GALNT13: variants seen among roughly 807,000 people sequenced by gnomAD.
The protein encoded by GALNT13 is UDP-GalNAc:polypeptide N-acetylgalactosaminyltransferase 13.
Under a neutral mutation model 64.2 loss-of-function variants are expected in GALNT13, and 28 were observed. The ratio of observed to expected loss-of-function variants is 0.44; its 90% CI spans 0.32 to 0.60. GALNT13 has a LOEUF of 0.60. Among genes scored for constraint, GALNT13 ranks in the 20% least tolerant of loss-of-function variants. GALNT13 has a pLI of 0.05. For synonymous variants in GALNT13, 214 were observed against 224.6 expected (o/e 0.95, Z 0.42); for missense variants, 577 against 669.8 (o/e 0.86, Z 1.53).
chr2:153,152,845 T>C, the GALNT13 span, among the ~76,000 whole-genome samples: 8,048 of 152,280 alleles, frequency 0.053, 245 homozygotes, highest in East Asian at 0.1. Flanking sequence ...TCTTTGCTAT[T>C]GTGAATAGAG....
At chr2:154,447,097 C>T (rs1701627709) in intron 12 of GALNT13, among the ~76,000 whole-genome samples, 1 of 151,560 alleles carries the variant, frequency 6.6e-6, no homozygotes, top group Non-Finnish European at 1.5e-5. Flanking sequence ...ACAACAGGTT[C>T]TGCGTCATCA....
At chr2:153,386,605 A>G in the GALNT13 span, among the ~76,000 whole-genome samples, 1 of 152,054 alleles carries the variant, frequency 6.6e-6, no homozygotes, top group Non-Finnish European at 1.5e-5. Flanking sequence ...GGGAGAAGCA[A>G]GAAGGGGTAT....
chr2:154,154,433 A>T (rs1386907142), intron 4 of GALNT13, among the ~76,000 whole-genome samples: 1 of 152,188 alleles, frequency 6.6e-6, no homozygotes, highest in Non-Finnish European at 1.5e-5. Context: ...TTATTTAGAC[A>T]TGTGATAATA....
At chr2:153,200,360 T>C in the GALNT13 span, among the ~76,000 whole-genome samples, 2 of 152,286 alleles carry the variant, frequency 1.3e-5, no homozygotes, top group Admixed American at 1.3e-4. Context: ...AAGTTGGTGG[T>C]CAGGAAGTTG....
At chr2:153,724,776 GA>G in the GALNT13 span, among the ~76,000 whole-genome samples, 1 of 136,838 alleles carries the variant, frequency 7.3e-6, no homozygotes, top group Non-Finnish European at 1.5e-5. Context: ...ACACCAGTTA[GA>G]ATGGCAATCA....
chr2:153,551,160 T>C, the GALNT13 span, among the ~76,000 whole-genome samples: 2 of 152,152 alleles, frequency 1.3e-5, no homozygotes, highest in African/African-American at 2.4e-5. Context: ...ACCTGCCTTG[T>C]TTAGTCATTG....
intron 3 of GALNT13, among the ~76,000 whole-genome samples, chr2:154,024,989 C>T (rs923977739): frequency 6.6e-6 from 1 of 152,174 alleles, no homozygotes; most frequent in Non-Finnish European, 1.5e-5. Context: ...GTAACAGCAG[C>T]GGTGGCTGCA....
the GALNT13 span, among the ~76,000 whole-genome samples, chr2:153,776,349 T>C: frequency 6.6e-6 from 1 of 152,200 alleles, no homozygotes; most frequent in Admixed American, 6.5e-5. Flanking sequence ...AAGTCTGGTG[T>C]TCTTATTCTA....
chr2:153,644,228 T>C, the GALNT13 span, among the ~76,000 whole-genome samples: 1 of 152,130 alleles, frequency 6.6e-6, no homozygotes, highest in Non-Finnish European at 1.5e-5. Context: ...TTACATTTTA[T>C]ACATAAGTAA....
chr2:154,204,851 G>A (rs1687354786), intron 4 of GALNT13, among the ~76,000 whole-genome samples: 1 of 152,226 alleles, frequency 6.6e-6, no homozygotes, highest in Admixed American at 6.5e-5. Flanking sequence ...CACTTCAAGT[G>A]TCAGTTCTCC....
chr2:153,603,663 G>C, the GALNT13 span, among the ~76,000 whole-genome samples: 1 of 151,956 alleles, frequency 6.6e-6, no homozygotes, highest in African/African-American at 2.4e-5. Context: ...TTAGCACAGA[G>C]AGGAATGTGT....
At chr2:153,801,671 G>T in the GALNT13 span, among the ~76,000 whole-genome samples, 1 of 152,096 alleles carries the variant, frequency 6.6e-6, no homozygotes, top group Non-Finnish European at 1.5e-5. Flanking sequence ...TTCAAATATT[G>T]TGAGAATAAA....
chr2:153,709,340 T>C, the GALNT13 span, among the ~76,000 whole-genome samples: 1 of 151,920 alleles, frequency 6.6e-6, no homozygotes, highest in Non-Finnish European at 1.5e-5. Context: ...AAGACATGAA[T>C]AGACTTTTCT....
intron 3 of GALNT13, among the ~76,000 whole-genome samples, chr2:154,131,324 T>G (rs1364390782): frequency 6.6e-6 from 1 of 152,178 alleles, no homozygotes; most frequent in African/African-American, 2.4e-5. Context: ...GCAAACATTT[T>G]TATAGTAATA....
At chr2:153,594,429 T>G in the GALNT13 span, among the ~76,000 whole-genome samples, 1 of 152,190 alleles carries the variant, frequency 6.6e-6, no homozygotes, top group Non-Finnish European at 1.5e-5. Flanking sequence ...TACTATCTTC[T>G]GAGTTTCTTC....
At chr2:153,129,455 G>A in the GALNT13 span, among the ~76,000 whole-genome samples, 2 of 152,054 alleles carry the variant, frequency 1.3e-5, no homozygotes, top group Admixed American at 6.6e-5. Flanking sequence ...TCAGATTGGA[G>A]GTAAGGTAGA....
chr2:153,844,111 G>A, the GALNT13 span, among the ~76,000 whole-genome samples: 1 of 152,122 alleles, frequency 6.6e-6, no homozygotes, highest in Admixed American at 6.5e-5. Context: ...CTCCATTGGG[G>A]ACTCTTTGTG....
chr2:153,501,367 T>A, the GALNT13 span, among the ~76,000 whole-genome samples: 1 of 152,248 alleles, frequency 6.6e-6, no homozygotes, highest in Admixed American at 6.5e-5. Flanking sequence ...AGTCGCCCTC[T>A]GTCGCCCAGG....
At chr2:153,424,987 A>C in the GALNT13 span, among the ~76,000 whole-genome samples, 1 of 151,860 alleles carries the variant, frequency 6.6e-6, no homozygotes, top group Admixed American at 6.6e-5. Flanking sequence ...AAAACATACA[A>C]TGTTGACTAA....
Sources: gnomAD v4.1 joint callset for allele counts (sites outside exome capture counted in the v4.1 genomes callset) on GRCh38, gnomAD v4.1.1 for gene constraint, MANE v1.5 for transcripts, NCBI Gene and HGNC (gene_info 2026-07-23, HGNC 2026-07-21) for gene names.